Variants in SH3BP4 observed in about 807,000 individuals in gnomAD.
SH3BP4 encodes SH3 domain binding protein 4, also known as SH3 domain-binding protein 4.
SH3BP4 carries 33 observed loss-of-function variants against 65.5 expected under a neutral mutation model. The ratio of observed to expected loss-of-function variants is 0.50; its 90% CI spans 0.38 to 0.67. The LOEUF is 0.67. Among genes scored for constraint, SH3BP4 ranks in the 30% least tolerant of loss-of-function variants. SH3BP4 has a pLI of 0.00. For synonymous variants in SH3BP4, 552 were observed against 545.5 expected, an observed-to-expected ratio of 1.01 and a Z score of -0.17; for missense variants, 1,134 against 1,261.4, an observed-to-expected ratio of 0.90 and a Z score of 1.53.
chr2:235,013,567 C>T (rs927878707), intron 2 of SH3BP4, among the ~76,000 whole-genome samples: 5 of 151,146 alleles, frequency 3.3e-5, no homozygotes, highest in Non-Finnish European at 7.4e-5. Context: ...TTGGGCCCCA[C>T]CAGGAGGAAC....
At chr2:235,029,969 G>A (rs1016447855) in intron 2 of SH3BP4, among the ~76,000 whole-genome samples, 4 of 152,226 alleles carry the variant, frequency 2.6e-5, no homozygotes, top group Admixed American at 6.5e-5. Context: ...GAGGTGGACG[G>A]TGTTGGGCCA....
rs150456654 is a variant in SH3BP4 at position 235,042,164 on chromosome 2, C to T, written c.1395C>T (p.Thr465=). The change falls in exon 4 of 6, where the codon ACC becomes ACT. Residue 465 remains threonine (T), a synonymous_variant. Coordinates refer to ENST00000392011, the MANE Select transcript of SH3BP4 (RefSeq NM_014521.3). This position sits in a 1 kb window ranked among gnomAD's most constrained non-coding sequence, Gnocchi z 7.3. ...AHGPSILYPS[T]VWDFINKKVT... is the part of the protein sequence containing the mutation. ...GCCCAAGCATCCTCTACCCTTCCACCGTGTGGGACTTCATCAATAAAAAAG... is the reference window on the plus strand; with the variant it reads ...GCCCAAGCATCCTCTACCCTTCCACTGTGTGGGACTTCATCAATAAAAAAG... 40 of 1,613,942 alleles carry T rather than the reference C, an allele frequency of 2.5e-5. No individual in the cohort carries two copies. The highest frequency in any genetic ancestry group is 2.2e-4 in the East Asian group (10 of 44,880).
At chr2:235,007,881 C>T (rs539560716) in intron 2 of SH3BP4, among the ~76,000 whole-genome samples, 287 of 152,266 alleles carry the variant, frequency 1.9e-3, no homozygotes, top group Non-Finnish European at 3.2e-3. Context: ...AATGCGCCAG[C>T]GAGGAGACCA....
chr2:234,998,646 C>T lies in SH3BP4; in HGVS notation c.-133+3270C>T, dbSNP rs571588011. Among the ~76,000 whole-genome samples the T allele has an allele frequency of 1.2e-4, 18 of 152,350 alleles. No individual in the cohort carries two copies. In the East Asian group the frequency reaches 1.5e-3, roughly 13 times the overall value. On this transcript the variant is annotated intron_variant, in intron 2 of 5. Transcript: ENST00000392011. The stretch of plus-strand genomic sequence containing the variant: ...CATTCTTGGTCCTGTGTCACCACCG[C>T]CTCTCTCTCGTTTCAAAACTTCGTC...
Position 235,041,596 on chromosome 2 carries a change from A to G in SH3BP4, c.827A>G (p.Gln276Arg). ...FTGLKSPAPE[Q>R]FQSREDFRTA... is the part of the protein sequence containing the mutation. The stretch of plus-strand genomic sequence containing the variant: ...GGCTTGAAATCACCTGCCCCCGAGC[A>G]ATTTCAGAGCCGGGAGGATTTTCGA... Residue 276 changes from glutamine (Q) to arginine (R), a missense_variant, in exon 4 of 6, where the codon CAA (glutamine) becomes CGA (arginine). Physicochemically the swap from Gln to Arg is conservative, Grantham distance 43. Transcript: ENST00000392011. The surrounding 1 kb of genome is among the most constrained non-coding windows in gnomAD (Gnocchi z 6.0). The G allele has an allele frequency of 6.2e-7, 1 of 1,614,070 alleles. No homozygotes were observed. The highest frequency in any genetic ancestry group is 8.5e-7 in the Non-Finnish European group (1 of 1,180,038).
intron 1 of SH3BP4, among the ~76,000 whole-genome samples, chr2:234,962,466 A>T (rs185654238): frequency 1.2e-3 from 181 of 152,224 alleles, no homozygotes; most frequent in African/African-American, 4.2e-3. Context: ...ATAATAATAA[A>T]AAAACCTTTT....
At chr2:234,988,281 G>C (rs953177556) in intron 1 of SH3BP4, among the ~76,000 whole-genome samples, 1 of 152,024 alleles carries the variant, frequency 6.6e-6, no homozygotes, top group African/African-American at 2.4e-5. Context: ...GGATAGTCTT[G>C]ATCTCCTGAC....
intron 2 of SH3BP4, among the ~76,000 whole-genome samples, chr2:235,001,477 T>C (rs1694097863): frequency 6.6e-6 from 1 of 152,240 alleles, no homozygotes; most frequent in African/African-American, 2.4e-5. Context: ...GAAACGGAGA[T>C]GACACTTGAC....
chr2:235,000,630 G>C (rs1044834282), intron 2 of SH3BP4, among the ~76,000 whole-genome samples: 1 of 152,202 alleles, frequency 6.6e-6, no homozygotes, highest in African/African-American at 2.4e-5. Context: ...TCCCCATTGC[G>C]TAGAGGTGGG....
rs540605073 is a variant in SH3BP4 at position 235,006,514 on chromosome 2, C to T, written c.-133+11138C>T. ...CCGATGGTGCTGGGCTGGCTGCAGG[C>T]GGGACCACAGGACTCTCAGAAGCAG... On this transcript the variant is annotated intron_variant, in intron 2 of 5. Transcript: ENST00000392011. Among the ~76,000 whole-genome samples the T allele has an allele frequency of 1.8e-4, 28 of 152,240 alleles. 1 individual carries two copies. The East Asian group carries it at 2.7e-3, about 15-fold the overall frequency.
intron 2 of SH3BP4, among the ~76,000 whole-genome samples, chr2:234,999,951 G>C (rs1203155274): frequency 6.6e-6 from 1 of 152,230 alleles, no homozygotes; most frequent in Non-Finnish European, 1.5e-5. Context: ...CCCTTGGGCT[G>C]CTTTTGAGTT....
rs1306372094 is a variant in SH3BP4, at chr2:235,052,385, CTT to C, written c.2479-174_2479-173del. 8.4e-4 allele frequency among the ~76,000 whole-genome samples: 128 copies of C among 152,310 alleles called. No individual in the cohort carries two copies. The highest frequency in any genetic ancestry group is 3.1e-3 in the African/African-American group (127 of 41,582). On this transcript the variant is annotated intron_variant, in intron 4 of 5. Coordinates refer to ENST00000392011, the MANE Select transcript of SH3BP4 (RefSeq NM_014521.3). The surrounding 1 kb of genome is among the most constrained non-coding windows in gnomAD (Gnocchi z 5.0). ...ACCTGGCACGCTCTGCACATCATCT[CTT>C]TTCTCCCGTGAATCCTGGCAGTGAT...
In SH3BP4 at chr2:235,054,008, CAG is replaced by C; in HGVS notation, c.*193_*194del. The C allele has an allele frequency of 1.8e-6, 1 of 552,740 alleles. No homozygotes were observed. The highest frequency in any genetic ancestry group is 3.2e-6 in the Non-Finnish European group (1 of 310,268). 34.2% of individuals were successfully genotyped at this position (552,740 alleles called of 1,614,324 possible). On this transcript the variant is annotated 3_prime_UTR_variant, in exon 6 of 6. Coordinates refer to ENST00000392011, the MANE Select transcript of SH3BP4 (RefSeq NM_014521.3). ...AGAGGCCTGAAGGGACTGCCTACTG[CAG>C]CTCGTTGCCAATCACATAGCTTTCT...
At position 235,033,812 on chromosome 2, in the gene SH3BP4, G is replaced by A. The variant is rs1455962261; in HGVS notation, c.-132-1059G>A. Among the ~76,000 whole-genome samples, 1 of 152,172 alleles carries A rather than the reference G, an allele frequency of 6.6e-6. No homozygotes were observed. Among genetic ancestry groups the A allele is most frequent in the African/African-American group, 2.4e-5 (1 of 41,432 alleles). ...CTGCAGAAACGTTGCAAAGGGTGGT[G>A]TCAGGGCCTCCGGGTCTCTGCATGG... On this transcript the variant is annotated intron_variant, in intron 2 of 5. Transcript: ENST00000392011. This position sits in a 1 kb window ranked among gnomAD's most constrained non-coding sequence, Gnocchi z 5.7.
intron 2 of SH3BP4, among the ~76,000 whole-genome samples, chr2:235,000,507 C>T (rs185257226): frequency 5.9e-5 from 9 of 152,276 alleles, no homozygotes; most frequent in Non-Finnish European, 1.2e-4. Context: ...AACACGGGGC[C>T]CCTCCTTCCA....
intron 1 of SH3BP4, among the ~76,000 whole-genome samples, chr2:234,993,802 G>T (rs1326921461): frequency 6.6e-6 from 1 of 152,242 alleles, no homozygotes; most frequent in Non-Finnish European, 1.5e-5. Flanking sequence ...ACGGATGGCG[G>T]CGTCCTGCCT....
rs139681121 is a variant in SH3BP4 at position 235,043,202 on chromosome 2, C to T, written c.2433C>T (p.Asn811=). 774 of 1,596,304 alleles carry T rather than the reference C, an allele frequency of 4.8e-4. No individual in the cohort carries two copies. The African/African-American group carries it at 8.4e-3, about 17-fold the overall frequency. ...AAAAGCTGAAGGAGGACTGTAACAA[C>T]ACTGAGAACAAAGAACGGAAGTCCT... is the stretch of plus-strand genomic sequence containing the variant. The part of the protein sequence containing the change: ...VLEKLKEDCN[N]TENKERKSFQ... Residue 811 remains asparagine, a synonymous_variant, in exon 4 of 6, where the codon AAC becomes AAT. Transcript: ENST00000392011.
At chr2:234,972,731 A>T (rs1002093490) in intron 1 of SH3BP4, among the ~76,000 whole-genome samples, 2 of 152,186 alleles carry the variant, frequency 1.3e-5, no homozygotes, top group African/African-American at 4.8e-5. Context: ...TTAAAAAAAA[A>T]TAAATAAAGC....
rs777139132 is a variant in SH3BP4, at chr2:235,043,218, C to T, written c.2449C>T (p.Arg817Trp). Residue 817 changes from arginine (R) to tryptophan (W), a missense_variant, in exon 4 of 6, where the codon CGG (arginine) becomes TGG (tryptophan). Arg to Trp is a moderately radical substitution (Grantham distance 101, BLOSUM62 -3). Coordinates refer to ENST00000392011, the MANE Select transcript of SH3BP4 (RefSeq NM_014521.3). ...CTGTAACAACACTGAGAACAAAGAA[C>T]GGAAGTCCTTCCAGAAGGAGCTTGT... ...EDCNNTENKE[R>W]KSFQKELVMA... 1.6e-5 allele frequency: 25 copies of T among 1,584,084 alleles called. 1 individual carries two copies. Among genetic ancestry groups the T allele is most frequent in the Admixed American group, 1.4e-4 (8 of 57,000 alleles).
Sources: gnomAD v4.1 joint callset for allele counts (sites outside exome capture counted in the v4.1 genomes callset) on GRCh38, gnomAD v4.1.1 for gene constraint, Gnocchi (gnomAD v3.1) non-coding constraint, MANE v1.5 for transcripts, NCBI Gene and HGNC (gene_info 2026-07-23, HGNC 2026-07-21) for gene names.